AKIP1: variants seen among roughly 807,000 people sequenced by gnomAD.
AKIP1 encodes the protein A-kinase-interacting protein 1.
A neutral mutation model predicts 22.3 loss-of-function variants in AKIP1; 18 were observed. The observed-to-expected ratio is 0.81, with a 90% CI of 0.56 to 1.19. The LOEUF (loss-of-function observed/expected upper bound fraction) is 1.19, where lower values mean the gene tolerates loss of function less well. Among genes scored for constraint, AKIP1 ranks in the 50% most tolerant of loss-of-function variants. AKIP1 has a pLI of 0.00. For synonymous variants in AKIP1, 120 were observed against 102.7 expected (o/e 1.17, Z -1.02); for missense variants, 287 against 264.6 (o/e 1.08, Z -0.59).
chr11:8,911,801 A>G, intron 2 of AKIP1, 130 bp downstream of exon 2: 1 of 927,200 alleles, frequency 1.1e-6, no homozygotes, highest in Non-Finnish European at 1.6e-6. Flanking sequence ...GATCAGAACA[A>G]TGAATGGAAA....
At chr11:8,916,249 C>G (rs1444911591) in intron 4 of AKIP1, among the ~76,000 whole-genome samples, 1 of 151,894 alleles carries the variant, frequency 6.6e-6, no homozygotes, top group African/African-American at 2.4e-5. Flanking sequence ...AGCCACCATG[C>G]CTGGCCCCTG....
chr11:8,912,588 G>T, intron 3 of AKIP1, 55 bp downstream of exon 3: 3 of 1,472,110 alleles, frequency 2.0e-6, no homozygotes, highest in Non-Finnish European at 2.9e-6. Context: ...GACCACATTT[G>T]GATCTTTCTG....
At chr11:8,918,307 G>A (rs2064518334) in intron 5 of AKIP1, among the ~76,000 whole-genome samples, 1 of 152,194 alleles carries the variant, frequency 6.6e-6, no homozygotes, top group Admixed American at 6.5e-5. Context: ...TTAAAGGATG[G>A]TAGACTTCCA....
intron 5 of AKIP1, 24 bp downstream of exon 5, chr11:8,917,391 C>G (rs747195358): frequency 1.3e-6 from 2 of 1,581,914 alleles, no homozygotes; most frequent in African/African-American, 1.3e-5. Flanking sequence ...TGCTTACGCA[C>G]TGGGTTTCAC....
chr11:8,914,879 TCA>T lies in AKIP1; in HGVS notation c.360_361del (p.His120GlnfsTer45). On this transcript the variant is annotated frameshift_variant, in exon 4 of 6. Coordinates refer to ENST00000309377, the MANE Select transcript of AKIP1 (RefSeq NM_020642.4). LOFTEE classifies it high-confidence loss of function. ...GAGGGGCAACCCATGTCTATCGTTA[TCA>T]CAGAGGCGAGTCGAAGCTGCACATG... is the stretch of plus-strand genomic sequence containing the variant. ...EGGATHVYRY[H>X]RGESKLHMCL... 6.2e-7 allele frequency: 1 copy of T among 1,614,072 alleles called. No homozygotes were observed. Among genetic ancestry groups the T allele is most frequent in the Admixed American group, 1.7e-5 (1 of 60,018 alleles).
In AKIP1 at chr11:8,919,766, A is replaced by G; in HGVS notation, c.*286A>G. Reference sequence around the variant, plus strand: ...ATTCTCCTGCCTCAGCCTCCCGAGTAGCTGGCACTACAGGCACCCGCCACC... The same window carrying G: ...ATTCTCCTGCCTCAGCCTCCCGAGTGGCTGGCACTACAGGCACCCGCCACC... On this transcript the variant is annotated 3_prime_UTR_variant, in exon 6 of 6. Coordinates refer to ENST00000309377, the MANE Select transcript of AKIP1 (RefSeq NM_020642.4). The G allele has an allele frequency of 4.0e-6, 1 of 252,294 alleles. No individual in the cohort carries two copies. The highest frequency in any genetic ancestry group is 7.6e-6 in the Non-Finnish European group (1 of 131,016). 15.6% of individuals were successfully genotyped at this position (252,294 alleles called of 1,614,324 possible).
At chr11:8,918,969 T>C (rs564095682) in intron 5 of AKIP1, among the ~76,000 whole-genome samples, 10 of 152,368 alleles carry the variant, frequency 6.6e-5, no homozygotes, top group African/African-American at 2.4e-4. Flanking sequence ...ACTGCTCATC[T>C]GTGCTAAGTG....
chr11:8,915,641 AT>A (rs574171233), intron 4 of AKIP1, among the ~76,000 whole-genome samples: 415 of 137,028 alleles, frequency 3.0e-3, no homozygotes, highest in Middle Eastern at 7.7e-3. Context: ...GTCTTTGGTA[AT>A]TTTTTTTTTT....
rs2064330467 is a variant in AKIP1, at chr11:8,911,232, GCTCC to G, written c.-7+12_-7+15del. On this transcript the variant is annotated intron_variant, in intron 1 of 5. Transcript: ENST00000309377. Reference sequence around the variant, plus strand: ...CTTGACGAGTGAGCCGGGTGAGGGGGCTCCCTAAGTAGCGGAAGGGGTAGATGAA... The same window carrying G: ...CTTGACGAGTGAGCCGGGTGAGGGGGCTAAGTAGCGGAAGGGGTAGATGAA... The G allele has an allele frequency of 3.6e-6, 2 of 563,266 alleles. No individual in the cohort carries two copies. The highest frequency in any genetic ancestry group is 6.3e-6 in the Non-Finnish European group (2 of 318,284). The allele number at this position is 563,266 out of a possible 1,614,324, so 34.9% of individuals were successfully genotyped here. A position where few individuals can be genotyped will look rare whatever the true frequency, so the allele number is the denominator to read the frequency against.
At chr11:8,912,352 A>G (rs1249898102) in intron 2 of AKIP1, 101 bp from the exon 3 acceptor site, 18 of 887,282 alleles carry the variant, frequency 2.0e-5, no homozygotes, top group Non-Finnish European at 3.4e-5. Context: ...ATAAACTTGC[A>G]GAGCCTTTCC....
At chr11:8,912,720 T>G (rs543149255) in intron 3 of AKIP1, among the ~76,000 whole-genome samples, 187 bp downstream of exon 3, 1 of 152,260 alleles carries the variant, frequency 6.6e-6, no homozygotes, top group South Asian at 2.1e-4. Context: ...AATAAATGTT[T>G]ATTGAATGCC....
At position 8,917,300 on chromosome 11, in the gene AKIP1, A is replaced by C; in HGVS notation, c.422A>C (p.Lys141Thr). 2 of 1,608,168 alleles carry C rather than the reference A, an allele frequency of 1.2e-6. No individual in the cohort carries two copies. Among genetic ancestry groups the C allele is most frequent in the African/African-American group, 2.7e-5 (2 of 74,880 alleles). ...TTGTCTCTTCAGAGAAAAGACAGAA[A>C]AAAGACATCCCTTGGTCCTGGAGGC... ...DIGNGQRKDRKKTSLGPGGSY... is the reference protein window; with the variant it reads ...DIGNGQRKDRTKTSLGPGGSY... The change falls in exon 5 of 6, where the codon AAA becomes ACA. Residue 141 changes from lysine (K) to threonine (T), a missense_variant. Lys to Thr is a moderately conservative substitution (Grantham distance 78). Transcript: ENST00000309377.
chr11:8,911,466 C>T lies in AKIP1; in HGVS notation c.17C>T (p.Ala6Val). 1 of 1,598,502 alleles carries T rather than the reference C, an allele frequency of 6.3e-7. No homozygotes were observed. Among genetic ancestry groups the T allele is most frequent in the Non-Finnish European group, 8.5e-7 (1 of 1,172,874 alleles). Residue 6 changes from alanine (A) to valine (V), a missense_variant, in exon 2 of 6, where the codon GCG (alanine) becomes GTG (valine). Transcript: ENST00000309377. MDNCL[A>V]AAALNGVDRR... ...CAGGGAGCCATGGACAACTGTTTGG[C>T]GGCCGCAGCGCTGAATGGGGTGGAC... is the stretch of plus-strand genomic sequence containing the variant.
At chr11:8,915,265 T>A (rs2064461663) in intron 4 of AKIP1, among the ~76,000 whole-genome samples, 1 of 152,002 alleles carries the variant, frequency 6.6e-6, no homozygotes, top group Non-Finnish European at 1.5e-5. Context: ...ATCCCCTGCA[T>A]TCTATCCTGG....
Position 8,919,426 on chromosome 11 carries a change from T to C in AKIP1, c.579T>C (p.Thr193=), listed in dbSNP as rs1262656183. 6.2e-7 allele frequency: 1 copy of C among 1,614,244 alleles called. No individual in the cohort carries two copies. Among genetic ancestry groups the C allele is most frequent in the Admixed American group, 1.7e-5 (1 of 60,024 alleles). Reference sequence around the variant, plus strand: ...GCTCAAATGACTTAACCAAGAAGACTCATGTGGTAGCAGTTGATTCTGGAC... The same window carrying C: ...GCTCAAATGACTTAACCAAGAAGACCCATGTGGTAGCAGTTGATTCTGGAC... The part of the protein sequence containing the change: ...TVGSNDLTKK[T]HVVAVDSGQS... The change falls in exon 6 of 6, where the codon ACT becomes ACC. Residue 193 remains threonine, a synonymous_variant. Transcript: ENST00000309377.
At position 8,911,523 on chromosome 11, in the gene AKIP1, C is replaced by CT. The variant is rs779549139; in HGVS notation, c.75dup (p.Leu26SerfsTer58). Reference sequence around the variant, plus strand: ...TCCCTGCAGCGTTCAGCAAGGCTGGCTCTAGAAGTGCTGGAGAGGGCCAAG... The same window carrying CT: ...TCCCTGCAGCGTTCAGCAAGGCTGGCTTCTAGAAGTGCTGGAGAGGGCCAAG... On this transcript the variant is annotated frameshift_variant, in exon 2 of 6. Coordinates refer to ENST00000309377, the MANE Select transcript of AKIP1 (RefSeq NM_020642.4). LOFTEE classifies it high-confidence loss of function. 1.2e-6 allele frequency: 2 copies of CT among 1,609,844 alleles called. No homozygotes were observed.
chr11:8,918,932 C>G (rs2064529710), intron 5 of AKIP1, among the ~76,000 whole-genome samples: 2 of 152,198 alleles, frequency 1.3e-5, no homozygotes, highest in Non-Finnish European at 2.9e-5. Context: ...AAGAATGGCT[C>G]TCATCACTCC....
rs767145178 is a variant in AKIP1, at chr11:8,917,366, C to T, written c.488C>T (p.Pro163Leu). The T allele has an allele frequency of 6.2e-6, 10 of 1,612,970 alleles. No homozygotes were observed. Among genetic ancestry groups the T allele is most frequent in the Middle Eastern group, 1.6e-4 (1 of 6,084 alleles). ...ISEHAPEASQ[P>L]AENISKDLYI... ...GAGCATGCTCCAGAGGCATCCCAGCCTGTGAGTACGGAACTGCTTACGCAC... is the reference window on the plus strand; with the variant it reads ...GAGCATGCTCCAGAGGCATCCCAGCTTGTGAGTACGGAACTGCTTACGCAC... The change falls in exon 5 of 6, where the codon CCT becomes CTT. Residue 163 changes from proline to leucine, a missense_variant and splice_region_variant. Coordinates refer to ENST00000309377, the MANE Select transcript of AKIP1 (RefSeq NM_020642.4).
intron 2 of AKIP1, 95 bp downstream of exon 2, chr11:8,911,766 C>T (rs2064358924): frequency 8.0e-7 from 1 of 1,253,500 alleles, no homozygotes; most frequent in Non-Finnish European, 1.1e-6. Flanking sequence ...GCTGAGGAAA[C>T]CTTCCCTTAG....
Sources: gnomAD v4.1 joint callset for allele counts (sites outside exome capture counted in the v4.1 genomes callset) on GRCh38, gnomAD v4.1.1 for gene constraint, MANE v1.5 for transcripts, NCBI Gene and HGNC (gene_info 2026-07-23, HGNC 2026-07-21) for gene names.